The following HPSE2 variants were observed in gnomAD, a reference collection of about 807,000 sequenced individuals.
The protein encoded by HPSE2 is heparanase 2 (inactive).
Under a neutral mutation model 60.5 loss-of-function variants are expected in HPSE2, and 38 were observed. The observed-to-expected ratio is 0.63, with a 90% confidence interval of 0.48 to 0.82. HPSE2 has a LOEUF of 0.82. HPSE2 is among the 40% of genes least tolerant of loss of function. The pLI is 0.00. For synonymous variants in HPSE2, 295 were observed against 293.2 expected (o/e 1.01, Z -0.06); for missense variants, 713 against 740.4 (o/e 0.96, Z 0.43).
At chr10:98,543,975 C>G (rs11189660) in intron 9 of HPSE2, among the ~76,000 whole-genome samples, 43 of 145,792 alleles carry the variant, frequency 2.9e-4, no homozygotes, top group African/African-American at 1.1e-3. Flanking sequence ...CTGCACCAAG[C>G]AGACCTAATA....
intron 4 of HPSE2, among the ~76,000 whole-genome samples, chr10:98,731,938 T>C (rs958518367): frequency 6.6e-6 from 1 of 151,940 alleles, no homozygotes; most frequent in Admixed American, 6.6e-5. Flanking sequence ...TTCAGCAAGG[T>C]TGGAGGGGAT....
chr10:99,235,865 C>T (rs1338142612), upstream of HPSE2: 1 of 1,443,122 alleles, frequency 6.9e-7, no homozygotes, highest in African/African-American at 1.4e-5. Context: ...TTGTCCTTAT[C>T]TAAAGTGTGT....
At chr10:98,917,476 A>C (rs1457972829) in intron 3 of HPSE2, among the ~76,000 whole-genome samples, 1 of 152,214 alleles carries the variant, frequency 6.6e-6, no homozygotes, top group Non-Finnish European at 1.5e-5. Context: ...TTCTGAAATC[A>C]ATCCTGAAAT....
chr10:99,103,770 C>T (rs112647153), intron 3 of HPSE2, among the ~76,000 whole-genome samples: 35 of 152,070 alleles, frequency 2.3e-4, no homozygotes, highest in African/African-American at 3.1e-4. Context: ...AGCATGGTAC[C>T]GGTACCAAAA....
rs553967144 is a variant in HPSE2, at chr10:99,108,491, A to T, written c.610+35747T>A. Among the ~76,000 whole-genome samples the T allele has an allele frequency of 1.1e-4, 17 of 152,264 alleles. 1 individual carries two copies. In the South Asian group the frequency reaches 3.3e-3, roughly 30 times the overall value. On this transcript the variant is annotated intron_variant, in intron 3 of 11. Coordinates refer to ENST00000370552, the MANE Select transcript of HPSE2 (RefSeq NM_021828.5). ...CTTCCAATTTCACTGTATATATTTC[A>T]TGGCTAACTTATTTTATCACATAAA...
At chr10:99,010,157 G>A (rs557383599) in intron 3 of HPSE2, among the ~76,000 whole-genome samples, 53 of 152,308 alleles carry the variant, frequency 3.5e-4, no homozygotes, top group African/African-American at 1.2e-3. Context: ...TGCTTAAAGA[G>A]GACATCAAAT....
At chr10:98,703,896 T>C (rs1236322625) in intron 5 of HPSE2, among the ~76,000 whole-genome samples, 1 of 152,110 alleles carries the variant, frequency 6.6e-6, no homozygotes, top group Non-Finnish European at 1.5e-5. Flanking sequence ...CTATTCAACA[T>C]AGTATTGGAA....
intron 7 of HPSE2, among the ~76,000 whole-genome samples, chr10:98,622,303 A>G (rs1031882792): frequency 2.0e-5 from 3 of 152,326 alleles, no homozygotes; most frequent in African/African-American, 7.2e-5. Flanking sequence ...CCCTATAATG[A>G]CACATGCCTC....
chr10:99,138,443 CAT>C (rs752616905), intron 3 of HPSE2, among the ~76,000 whole-genome samples: 2 of 152,070 alleles, frequency 1.3e-5, no homozygotes, highest in African/African-American at 2.4e-5. Context: ...CATGCACACA[CAT>C]GTTTATTGTG....
chr10:99,030,040 G>A (rs866861659), intron 3 of HPSE2, among the ~76,000 whole-genome samples: 2 of 152,156 alleles, frequency 1.3e-5, no homozygotes, highest in South Asian at 2.1e-4. Context: ...CAGAAGGCTC[G>A]CACTCTTGTC....
chr10:99,041,625 C>A (rs190925871), intron 3 of HPSE2, among the ~76,000 whole-genome samples: 1 of 152,308 alleles, frequency 6.6e-6, no homozygotes, highest in Non-Finnish European at 1.5e-5. Context: ...AGAGGCCAGG[C>A]ACTCTCATGT....
intron 3 of HPSE2, among the ~76,000 whole-genome samples, chr10:99,073,838 CT>C (rs34453972): frequency 3.3e-5 from 5 of 151,010 alleles, no homozygotes; most frequent in Admixed American, 3.3e-4. Context: ...TTCTTAATAC[CT>C]TTTTGGATAG....
At chr10:98,987,061 G>C (rs1481429827) in intron 3 of HPSE2, among the ~76,000 whole-genome samples, 1 of 151,930 alleles carries the variant, frequency 6.6e-6, no homozygotes, top group Non-Finnish European at 1.5e-5. Flanking sequence ...TTCTACCAGA[G>C]GTACAAGGAG....
intron 3 of HPSE2, among the ~76,000 whole-genome samples, chr10:98,760,444 A>G (rs1949980468): frequency 6.6e-6 from 1 of 152,076 alleles, no homozygotes; most frequent in Admixed American, 6.6e-5. Context: ...GGCATGTCAT[A>G]TATGACCTTT....
intron 8 of HPSE2, among the ~76,000 whole-genome samples, chr10:98,619,792 T>A (rs1197538818): frequency 6.6e-6 from 1 of 152,198 alleles, no homozygotes; most frequent in African/African-American, 2.4e-5. Flanking sequence ...TGCCACTTCC[T>A]CCATGAAGTC....
At chr10:99,123,285 G>A (rs1845030670) in intron 3 of HPSE2, among the ~76,000 whole-genome samples, 1 of 151,996 alleles carries the variant, frequency 6.6e-6, no homozygotes, top group African/African-American at 2.4e-5. Context: ...AATTTAAAAA[G>A]GCATAGAATA....
chr10:99,216,711 C>T (rs549418229), intron 2 of HPSE2, among the ~76,000 whole-genome samples: 1 of 152,256 alleles, frequency 6.6e-6, no homozygotes, highest in South Asian at 2.1e-4. Context: ...GACAATGTCT[C>T]ATTCATTTTT....
chr10:98,993,367 T>C (rs189925811), intron 3 of HPSE2, among the ~76,000 whole-genome samples: 1 of 152,324 alleles, frequency 6.6e-6, no homozygotes, highest in African/African-American at 2.4e-5. Flanking sequence ...ATCACAATGA[T>C]TTGTTAAAAT....
chr10:98,582,179 G>C (rs1944817652), intron 9 of HPSE2, among the ~76,000 whole-genome samples: 1 of 152,150 alleles, frequency 6.6e-6, no homozygotes, highest in African/African-American at 2.4e-5. Flanking sequence ...AATTTATGTG[G>C]CCACTTAGAG....
Sources: gnomAD v4.1 joint callset for allele counts (sites outside exome capture counted in the v4.1 genomes callset) on GRCh38, gnomAD v4.1.1 for gene constraint, MANE v1.5 for transcripts, NCBI Gene and HGNC (gene_info 2026-07-23, HGNC 2026-07-21) for gene names.